The following GNG4 variants were observed in gnomAD, a reference collection of about 807,000 sequenced individuals.
The protein encoded by GNG4 is guanine nucleotide-binding protein G(I)/G(S)/G(O) subunit gamma-4.
Under a neutral mutation model 5.8 loss-of-function variants are expected in GNG4, and 4 were observed. That is an observed-to-expected ratio of 0.69 (90% CI 0.34 to 1.57). The LOEUF (loss-of-function observed/expected upper bound fraction) is 1.57. Among genes scored for constraint, GNG4 ranks in the 40% most tolerant of loss-of-function variants. The pLI is 0.06. For synonymous variants in GNG4, 29 were observed against 32.9 expected (o/e 0.88, Z 0.41); for missense variants, 96 against 95.1 (o/e 1.01, Z -0.04).
chr1:235,569,719 C>T (rs1441053090), intron 3 of GNG4, among the ~76,000 whole-genome samples: 1 of 151,934 alleles, frequency 6.6e-6, no homozygotes, highest in Non-Finnish European at 1.5e-5. Flanking sequence ...AGGCGCCCAC[C>T]ACTACGCCCA....
At chr1:235,556,250 C>T (rs1050243251) in intron 3 of GNG4, among the ~76,000 whole-genome samples, 2 of 151,948 alleles carry the variant, frequency 1.3e-5, no homozygotes, top group African/African-American at 4.8e-5. Flanking sequence ...TTAAGAAGGT[C>T]ACCCATCTAT....
At chr1:235,608,491 T>TTCCATTAAGCAGTTC (rs1159591021) in intron 1 of GNG4, among the ~76,000 whole-genome samples, 1 of 152,154 alleles carries the variant, frequency 6.6e-6, no homozygotes, top group East Asian at 1.9e-4. Flanking sequence ...TAAAACCTCA[T>TTCCATTAAGCAGTTC]TCCATTAAGC....
intron 1 of GNG4, among the ~76,000 whole-genome samples, chr1:235,635,177 G>A (rs1689010063): frequency 6.6e-6 from 1 of 152,098 alleles, no homozygotes; most frequent in African/African-American, 2.4e-5. Context: ...AAGTCAATCA[G>A]ACAAACGCAG....
chr1:235,621,115 C>T (rs558878205), intron 1 of GNG4, among the ~76,000 whole-genome samples: 7 of 150,882 alleles, frequency 4.6e-5, no homozygotes, highest in African/African-American at 1.5e-4. Flanking sequence ...CTCATTGGTC[C>T]GTCACCTTGG....
Position 235,619,159 on chromosome 1 carries a change from TTA to T in GNG4, c.-122-23650_-122-23649del, listed in dbSNP as rs895813525. Among the ~76,000 whole-genome samples the T allele has an allele frequency of 4.4e-4, 44 of 100,222 alleles. 2 individuals are homozygous for T. In the South Asian group the frequency reaches 6.9e-3, roughly 16 times the overall value. The allele number at this position is 100,222 out of a possible 152,430, so 65.7% of individuals were successfully genotyped here. A position where few individuals can be genotyped will look rare whatever the true frequency, so the allele number is the denominator to read the frequency against. On this transcript the variant is annotated intron_variant, in intron 1 of 3. Coordinates refer to ENST00000391854, the MANE Select transcript of GNG4 (RefSeq NM_001098722.2). ...AAAAAAAAAAAAAAAAAAAAAAAAT[TTA>T]TATATATATATATATACACACACAT...
At chr1:235,609,381 T>G (rs1189420186) in intron 1 of GNG4, among the ~76,000 whole-genome samples, 1 of 152,164 alleles carries the variant, frequency 6.6e-6, no homozygotes, top group Non-Finnish European at 1.5e-5. Flanking sequence ...TAGCTCCAAT[T>G]TCTTCACATC....
intron 3 of GNG4, among the ~76,000 whole-genome samples, chr1:235,577,120 C>T (rs1206929133): frequency 1.3e-5 from 2 of 152,170 alleles, no homozygotes; most frequent in Non-Finnish European, 1.5e-5. Context: ...AGAAACTCTC[C>T]TGAGCACAAT....
intron 3 of GNG4, among the ~76,000 whole-genome samples, chr1:235,555,905 C>G (rs1686890540): frequency 6.6e-6 from 1 of 151,910 alleles, no homozygotes; most frequent in Non-Finnish European, 1.5e-5. Context: ...TCTCACTCTG[C>G]CATCCAGACT....
chr1:235,614,477 T>C (rs778540672), intron 1 of GNG4, among the ~76,000 whole-genome samples: 6 of 152,222 alleles, frequency 3.9e-5, no homozygotes, highest in Non-Finnish European at 7.3e-5. Context: ...AAGCAAAAGC[T>C]GAGGTCAGTG....
intron 1 of GNG4, among the ~76,000 whole-genome samples, chr1:235,636,614 G>T (rs551515416): frequency 6.6e-6 from 1 of 152,260 alleles, no homozygotes; most frequent in African/African-American, 2.4e-5. Flanking sequence ...CAGGGCAATT[G>T]CCTGTGCCCT....
intron 2 of GNG4, among the ~76,000 whole-genome samples, chr1:235,592,675 G>A (rs1218566913): frequency 6.6e-6 from 1 of 152,112 alleles, no homozygotes; most frequent in Non-Finnish European, 1.5e-5. Flanking sequence ...GTAACCCCTG[G>A]CTTGAAGATA....
chr1:235,622,516 C>A (rs574749643), intron 1 of GNG4, among the ~76,000 whole-genome samples: 29 of 152,168 alleles, frequency 1.9e-4, no homozygotes, highest in African/African-American at 6.3e-4. Flanking sequence ...GAGTTTGAGA[C>A]CAGCTGGGCC....
At chr1:235,600,631 C>A (rs192762655) in intron 1 of GNG4, among the ~76,000 whole-genome samples, 68 of 152,014 alleles carry the variant, frequency 4.5e-4, no homozygotes, top group African/African-American at 1.6e-3. Context: ...ACTGTATTGC[C>A]CAGGCCGGTT....
At chr1:235,616,343 A>T (rs1688588712) in intron 1 of GNG4, 1 of 428,312 alleles carries the variant, frequency 2.3e-6, no homozygotes, top group African/African-American at 2.1e-5. Flanking sequence ...TCTGTTGGCC[A>T]GATTCACCGT....
intron 2 of GNG4, among the ~76,000 whole-genome samples, chr1:235,588,645 C>T (rs968373609): frequency 3.9e-5 from 6 of 152,156 alleles, no homozygotes; most frequent in Middle Eastern, 3.4e-3. Context: ...CCAGCCTCTG[C>T]GAGGCCCTCA....
At chr1:235,575,987 A>T (rs1312376098) in intron 3 of GNG4, among the ~76,000 whole-genome samples, 1 of 148,872 alleles carries the variant, frequency 6.7e-6, no homozygotes, top group South Asian at 2.1e-4. Flanking sequence ...GGCCTCTTAC[A>T]CTCTGCTCAG....
At chr1:235,619,829 G>A (rs779760920) in intron 1 of GNG4, among the ~76,000 whole-genome samples, 4 of 152,176 alleles carry the variant, frequency 2.6e-5, no homozygotes, top group Non-Finnish European at 5.9e-5. Context: ...TGTATTAAAT[G>A]TATAATTTTA....
chr1:235,597,543 A>T (rs1385792345), intron 1 of GNG4, among the ~76,000 whole-genome samples: 3 of 147,976 alleles, frequency 2.0e-5, no homozygotes, highest in Non-Finnish European at 4.5e-5. Context: ...ACAGAGATCC[A>T]GGAATGCTTT....
chr1:235,610,036 T>C (rs772221112), intron 1 of GNG4, among the ~76,000 whole-genome samples: 17 of 152,180 alleles, frequency 1.1e-4, no homozygotes, highest in Non-Finnish European at 2.2e-4. Context: ...CATCTAATCC[T>C]CTAACGCTAT....
Sources: gnomAD v4.1 joint callset for allele counts (sites outside exome capture counted in the v4.1 genomes callset) on GRCh38, gnomAD v4.1.1 for gene constraint, MANE v1.5 for transcripts, NCBI Gene and HGNC (gene_info 2026-07-23, HGNC 2026-07-21) for gene names.